The following LHFPL3 variants were observed in gnomAD, a reference collection of about 807,000 sequenced individuals.
LHFPL3 encodes the protein LHFPL tetraspan subfamily member 3 protein.
In LHFPL3, 5 loss-of-function variants were observed where a neutral mutation model predicts 19.3. The ratio of observed to expected loss-of-function variants is 0.26; its 90% confidence interval spans 0.14 to 0.54. The LOEUF (loss-of-function observed/expected upper bound fraction) is 0.54. Ranked by LOEUF, LHFPL3 falls within the 20% of genes least tolerant of loss-of-function variation. The pLI is 0.94. For missense variants in LHFPL3, 249 were observed against 307.4 expected (o/e 0.81, Z 1.42); for synonymous variants, 133 against 126.2 (o/e 1.05, Z -0.36).
intron 1 of LHFPL3, among the ~76,000 whole-genome samples, chr7:104,430,435 T>TATAC (rs1562895298): frequency 1.4e-4 from 2 of 14,272 alleles, no homozygotes; most frequent in Non-Finnish European, 2.5e-4. Flanking sequence ...TATATATATA[T>TATAC]ATATATATAT....
chr7:104,562,231 C>T (rs1173364721), intron 1 of LHFPL3, among the ~76,000 whole-genome samples: 1 of 151,758 alleles, frequency 6.6e-6, no homozygotes, highest in Non-Finnish European at 1.5e-5. Context: ...CGTTGGCCTG[C>T]CTTGCTAGAT....
chr7:104,596,053 T>C (rs994791369), intron 1 of LHFPL3, among the ~76,000 whole-genome samples: 2 of 152,196 alleles, frequency 1.3e-5, no homozygotes, highest in Admixed American at 1.3e-4. Flanking sequence ...TGGCTCACCC[T>C]CCGTGGGCTG....
chr7:104,430,441 T>TATAC (rs1791971191), intron 1 of LHFPL3, among the ~76,000 whole-genome samples: 5 of 15,780 alleles, frequency 3.2e-4, no homozygotes, highest in Non-Finnish European at 5.5e-4. Flanking sequence ...TATATATATA[T>TATAC]ATATATATAT....
intron 2 of LHFPL3, among the ~76,000 whole-genome samples, chr7:104,866,745 C>T (rs1791730305): frequency 6.6e-6 from 1 of 152,228 alleles, no homozygotes; most frequent in African/African-American, 2.4e-5. Flanking sequence ...ATCTACAGAA[C>T]TCTCCACCCC....
intron 1 of LHFPL3, among the ~76,000 whole-genome samples, chr7:104,712,029 A>G (rs1173423936): frequency 6.6e-6 from 1 of 152,204 alleles, no homozygotes; most frequent in Non-Finnish European, 1.5e-5. Flanking sequence ...GGATACATGG[A>G]AAGGGGGAAT....
At chr7:104,690,145 C>T (rs1360249893) in intron 1 of LHFPL3, among the ~76,000 whole-genome samples, 1 of 152,260 alleles carries the variant, frequency 6.6e-6, no homozygotes, top group African/African-American at 2.4e-5. Context: ...TTGGCCTGTG[C>T]CAAAGACAGA....
intron 1 of LHFPL3, among the ~76,000 whole-genome samples, chr7:104,431,530 A>G (rs962853339): frequency 6.6e-6 from 1 of 151,966 alleles, no homozygotes; most frequent in East Asian, 1.9e-4. Context: ...TTTATTTCCT[A>G]TATCTCTTGC....
At chr7:104,712,826 C>T (rs1475184733) in intron 1 of LHFPL3, among the ~76,000 whole-genome samples, 1 of 152,172 alleles carries the variant, frequency 6.6e-6, no homozygotes, top group Non-Finnish European at 1.5e-5. Flanking sequence ...AAAATTAATA[C>T]ACATTACAGT....
intron 1 of LHFPL3, among the ~76,000 whole-genome samples, chr7:104,528,923 T>G (rs1794241005): frequency 6.6e-6 from 1 of 152,130 alleles, no homozygotes; most frequent in South Asian, 2.1e-4. Context: ...ATTCTTTAGG[T>G]CATATAACCA....
intron 2 of LHFPL3, among the ~76,000 whole-genome samples, chr7:104,773,278 C>T (rs1367411307): frequency 6.6e-6 from 1 of 152,110 alleles, no homozygotes; most frequent in African/African-American, 2.4e-5. Flanking sequence ...TGGGGGTGGG[C>T]CCAGTGAGTT....
intron 1 of LHFPL3, among the ~76,000 whole-genome samples, chr7:104,537,836 T>A (rs1226604488): frequency 6.6e-6 from 1 of 152,228 alleles, no homozygotes; most frequent in Non-Finnish European, 1.5e-5. Flanking sequence ...TTGAAGAGAT[T>A]GTCTAAAATA....
chr7:104,554,926 A>G (rs1338816634), intron 1 of LHFPL3, among the ~76,000 whole-genome samples: 1 of 152,188 alleles, frequency 6.6e-6, no homozygotes, highest in East Asian at 1.9e-4. Flanking sequence ...GAGAACCTGG[A>G]GTTCTGATGT....
chr7:104,830,182 G>GT (rs929475532), intron 2 of LHFPL3, among the ~76,000 whole-genome samples: 15 of 151,890 alleles, frequency 9.9e-5, no homozygotes, highest in African/African-American at 3.4e-4. Context: ...GGGGTTGTTT[G>GT]TTTTTTTCTT....
intron 1 of LHFPL3, among the ~76,000 whole-genome samples, chr7:104,473,933 A>G (rs1792957424): frequency 6.6e-6 from 1 of 152,120 alleles, no homozygotes; most frequent in Admixed American, 6.5e-5. Context: ...TATGACACAC[A>G]TATCCCCTTT....
intron 1 of LHFPL3, among the ~76,000 whole-genome samples, chr7:104,375,567 A>T (rs541447303): frequency 2.0e-5 from 3 of 152,332 alleles, no homozygotes; most frequent in Admixed American, 1.3e-4. Flanking sequence ...AAAGTAATCA[A>T]AATAGTATAA....
At chr7:104,864,810 C>T (rs898261018) in intron 2 of LHFPL3, among the ~76,000 whole-genome samples, 2 of 152,184 alleles carry the variant, frequency 1.3e-5, no homozygotes, top group African/African-American at 2.4e-5. Context: ...TGGGTCCCTG[C>T]CCCCCAAGTA....
intron 1 of LHFPL3, among the ~76,000 whole-genome samples, chr7:104,565,744 TATCTATCTATCTATCTATCTATCTATCTA>T (rs1790108810): frequency 6.6e-6 from 1 of 151,436 alleles, no homozygotes; most frequent in Admixed American, 6.6e-5. Context: ...TCTATCTATC[TATCTATCTATCTATCTATCTATCTATCTA>T]ATCTATCTAT....
chr7:104,390,166 CTAA>C (rs1475915536), intron 1 of LHFPL3, among the ~76,000 whole-genome samples: 1 of 149,914 alleles, frequency 6.7e-6, no homozygotes, highest in Non-Finnish European at 1.5e-5. Context: ...AATAAAAAGA[CTAA>C]CAACCCAATT....
intron 1 of LHFPL3, among the ~76,000 whole-genome samples, chr7:104,332,522 C>G (rs1302467104): frequency 6.6e-6 from 1 of 152,116 alleles, no homozygotes; most frequent in Non-Finnish European, 1.5e-5. Flanking sequence ...TGAGCCACTG[C>G]ACCCAGCCAA....
Sources: allele counts gnomAD v4.1 joint callset (sites outside exome capture counted in the v4.1 genomes callset), GRCh38; gene constraint gnomAD v4.1.1; transcripts MANE v1.5; gene names NCBI Gene and HGNC (gene_info 2026-07-23, HGNC 2026-07-21).